The following CUX1 variants were observed in gnomAD, a reference collection of about 807,000 sequenced individuals.
CUX1 encodes cut like homeobox 1, also known as protein CASP.
Under a neutral mutation model 158.8 loss-of-function variants are expected in CUX1, and 31 were observed. That is an observed-to-expected ratio of 0.20 (90% CI 0.15 to 0.26). The LOEUF is 0.26. Ranked by LOEUF, CUX1 falls within the 10% of genes least tolerant of loss-of-function variation. The pLI is 1.00. For missense variants in CUX1, 1,589 were observed against 2,014.6 expected (o/e 0.79, Z 4.04); for synonymous variants, 879 against 862.1 (o/e 1.02, Z -0.34).
At chr7:101,931,815 T>G (rs927692567) in intron 2 of CUX1, among the ~76,000 whole-genome samples, 3 of 152,196 alleles carry the variant, frequency 2.0e-5, no homozygotes, top group Non-Finnish European at 4.4e-5. Flanking sequence ...CCCAAAGTGC[T>G]GGGATTATAG....
intron 4 of CUX1, among the ~76,000 whole-genome samples, chr7:102,094,278 T>C (rs905192640): frequency 1.1e-4 from 16 of 152,282 alleles, no homozygotes; most frequent in African/African-American, 3.9e-4. Flanking sequence ...TGTAGTAAAG[T>C]TTGGAGTTTA....
chr7:101,996,267 T>A (rs1254785903), intron 2 of CUX1, among the ~76,000 whole-genome samples: 1 of 151,052 alleles, frequency 6.6e-6, no homozygotes, highest in Non-Finnish European at 1.5e-5. Context: ...ACTTCCTGTG[T>A]CACCATCCTC....
Position 101,873,804 on chromosome 7 carries a change from C to T in CUX1, c.31-42311C>T, listed in dbSNP as rs143437691. ...TTTGCCATATTGGTCAGGTTGGTCTCGAACTCCTGGCCTCAGGTGATCCGC... is the reference window on the plus strand; with the variant it reads ...TTTGCCATATTGGTCAGGTTGGTCTTGAACTCCTGGCCTCAGGTGATCCGC... On this transcript the variant is annotated intron_variant, in intron 1 of 23. Coordinates refer to ENST00000292535, the MANE Select transcript of CUX1 (RefSeq NM_181552.4). 4.8e-4 allele frequency among the ~76,000 whole-genome samples: 73 copies of T among 152,222 alleles called. No individual in the cohort carries two copies. In the East Asian group the frequency reaches 0.013, roughly 27 times the overall value.
intron 1 of CUX1, among the ~76,000 whole-genome samples, chr7:101,886,158 C>T (rs970453161): frequency 1.3e-5 from 2 of 152,108 alleles, no homozygotes; most frequent in Non-Finnish European, 2.9e-5. Context: ...TCTTAGATGT[C>T]TCAGTGACCC....
intron 2 of CUX1, among the ~76,000 whole-genome samples, chr7:102,007,514 G>C (rs1028311799): frequency 6.6e-6 from 1 of 151,504 alleles, no homozygotes; most frequent in African/African-American, 2.4e-5. Context: ...TTCCCACGTG[G>C]ATTTCTCATC....
chr7:102,089,721 A>G lies in CUX1; in HGVS notation c.269-7643A>G, dbSNP rs369978629. Among the ~76,000 whole-genome samples, 21 of 152,310 alleles carry G rather than the reference A, an allele frequency of 1.4e-4. 1 individual carries two copies. The East Asian group carries it at 2.1e-3, about 15-fold the overall frequency. On this transcript the variant is annotated intron_variant, in intron 4 of 23. Transcript: ENST00000292535. The stretch of plus-strand genomic sequence containing the variant: ...GCATAGGCACTTTAGCTCTTGGCAA[A>G]AGATCGCCTCTCTGCAGATTTCTGT...
chr7:102,197,097 G>A lies in CUX1; in HGVS notation c.1686G>A (p.Glu562=), dbSNP rs782494376. ...DTAEIARQVK[E]QLIKHNIGQR... is the part of the protein sequence containing the mutation. ...CAGAAATCGCCCGGCAGGTCAAAGAGCAGCTGATTAAGCACAATATCGGAC... is the reference window on the plus strand; with the variant it reads ...CAGAAATCGCCCGGCAGGTCAAAGAACAGCTGATTAAGCACAATATCGGAC... The change falls in exon 15 of 24, where the codon GAG becomes GAA. Residue 562 remains glutamate (E), a synonymous_variant. Coordinates refer to ENST00000292535, the MANE Select transcript of CUX1 (RefSeq NM_181552.4). 4.3e-6 allele frequency: 7 copies of A among 1,614,118 alleles called. No individual in the cohort carries two copies. In the African/African-American group the frequency reaches 8.0e-5, roughly 18 times the overall value.
rs577004092 is a variant in CUX1 at position 101,932,740 on chromosome 7, C to T, written c.141+16515C>T. On this transcript the variant is annotated intron_variant, in intron 2 of 23. Coordinates refer to ENST00000292535, the MANE Select transcript of CUX1 (RefSeq NM_181552.4). ...ATACGTATTTAAATGATTGCTTTGC[C>T]GCCATCAAGAAAAAATACTGTTTCA... 2.1e-5 allele frequency: 8 copies of T among 381,072 alleles called. 1 individual carries two copies. Among genetic ancestry groups the T allele is most frequent in the Admixed American group, 1.2e-4 (4 of 32,212 alleles). The allele number at this position is 381,072 out of a possible 1,614,324, so 23.6% of individuals were successfully genotyped here. A position where few individuals can be genotyped will look rare whatever the true frequency, so the allele number is the denominator to read the frequency against.
At chr7:101,922,079 C>T (rs1805012162) in intron 2 of CUX1, among the ~76,000 whole-genome samples, 1 of 151,994 alleles carries the variant, frequency 6.6e-6, no homozygotes, top group South Asian at 2.1e-4. Context: ...GATCATACCA[C>T]TGCACTCCAG....
chr7:102,254,604 C>G lies in CUX1; in HGVS notation c.*5562C>G, dbSNP rs187104575. On this transcript the variant is annotated 3_prime_UTR_variant, in exon 24 of 24. Transcript: ENST00000292535. ...CTGGAGACAGTTTGCAAGTAAGAAC[C>G]TAAGGATGGGGACAGCATCCTGTGC... 1.0e-6 allele frequency: 1 copy of G among 985,430 alleles called. No individual in the cohort carries two copies. Among genetic ancestry groups the G allele is most frequent in the East Asian group, 1.1e-4 (1 of 8,818 alleles). The allele number at this position is 985,430 out of a possible 1,614,324, so 61.0% of individuals were successfully genotyped here. A position where few individuals can be genotyped will look rare whatever the true frequency, so the allele number is the denominator to read the frequency against.
chr7:101,962,162 C>T (rs1438129175), intron 2 of CUX1, among the ~76,000 whole-genome samples: 1 of 152,162 alleles, frequency 6.6e-6, no homozygotes, highest in African/African-American at 2.4e-5. Flanking sequence ...ACATCCCTTC[C>T]CCCCAAATAC....
chr7:101,894,414 C>T (rs1236937477), intron 1 of CUX1, among the ~76,000 whole-genome samples: 2 of 152,082 alleles, frequency 1.3e-5, no homozygotes, highest in African/African-American at 4.8e-5. Flanking sequence ...CCTGGGTTCA[C>T]GCTATTCTGC....
intron 2 of CUX1, among the ~76,000 whole-genome samples, chr7:101,933,476 TATTC>T (rs1806523828): frequency 1.3e-5 from 2 of 152,264 alleles, no homozygotes; most frequent in Non-Finnish European, 2.9e-5. Flanking sequence ...ATTCTCACAT[TATTC>T]ATTGTCTTAA....
chr7:101,867,704 T>C (rs1195011323), intron 1 of CUX1, among the ~76,000 whole-genome samples: 1 of 152,202 alleles, frequency 6.6e-6, no homozygotes, highest in Non-Finnish European at 1.5e-5. Flanking sequence ...TCTGTCACTG[T>C]TGATGCATCT....
chr7:102,095,714 G>A (rs1300498166), intron 4 of CUX1, among the ~76,000 whole-genome samples: 5 of 152,182 alleles, frequency 3.3e-5, no homozygotes, highest in Admixed American at 2.6e-4. Flanking sequence ...GATCCGCTGG[G>A]CATGGTGTTT....
chr7:102,047,168 A>G (rs1406791853), intron 3 of CUX1, among the ~76,000 whole-genome samples: 1 of 152,186 alleles, frequency 6.6e-6, no homozygotes, highest in East Asian at 1.9e-4. Flanking sequence ...CGTTGCCTTC[A>G]TGAAGCTTAA....
chr7:102,036,769 A>C (rs553748021), intron 3 of CUX1, among the ~76,000 whole-genome samples: 232 of 152,114 alleles, frequency 1.5e-3, no homozygotes, highest in Non-Finnish European at 2.2e-3. Flanking sequence ...AACAAAAAAA[A>C]AAAAAAACAC....
At chr7:102,055,654 T>C in intron 3 of CUX1, among the ~76,000 whole-genome samples, 1 of 152,234 alleles carries the variant, frequency 6.6e-6, no homozygotes, top group East Asian at 1.9e-4. Flanking sequence ...TCCCTATTTC[T>C]TGAGACACAA....
chr7:102,220,798 GTATTT>G (rs1453706417), intron 20 of CUX1, among the ~76,000 whole-genome samples: 1 of 152,096 alleles, frequency 6.6e-6, no homozygotes, highest in South Asian at 2.1e-4. Context: ...TTTTTATTTT[GTATTT>G]TATTTTATTT....
Sources: gnomAD v4.1 joint callset for allele counts (sites outside exome capture counted in the v4.1 genomes callset) on GRCh38, gnomAD v4.1.1 for gene constraint, MANE v1.5 for transcripts, NCBI Gene and HGNC (gene_info 2026-07-23, HGNC 2026-07-21) for gene names.